Variants in LRRTM4 observed in about 807,000 individuals in gnomAD.
LRRTM4 encodes leucine-rich repeat transmembrane neuronal protein 4.
Under a neutral mutation model 47.6 loss-of-function variants are expected in LRRTM4, and 25 were observed. The observed-to-expected ratio is 0.53, with a 90% confidence interval of 0.38 to 0.73. LRRTM4 has a LOEUF of 0.73. LRRTM4 is among the 30% of genes least tolerant of loss of function. The pLI is 0.00. For missense variants in LRRTM4, 638 were observed against 713.4 expected (o/e 0.89, Z 1.20); for synonymous variants, 311 against 269.5 (o/e 1.15, Z -1.51).
intron 3 of LRRTM4, among the ~76,000 whole-genome samples, chr2:77,398,597 G>A (rs1305509357): frequency 2.0e-5 from 3 of 151,808 alleles, no homozygotes; most frequent in African/African-American, 7.2e-5. Context: ...AATGGATTGT[G>A]TGTGAAATTA....
chr2:77,508,402 G>C (rs1678857699), intron 3 of LRRTM4, among the ~76,000 whole-genome samples: 1 of 152,156 alleles, frequency 6.6e-6, no homozygotes, highest in Non-Finnish European at 1.5e-5. Flanking sequence ...CTCACAGTGA[G>C]AATCCAAGCC....
intron 3 of LRRTM4, among the ~76,000 whole-genome samples, chr2:77,500,037 A>G (rs1429065874): frequency 6.6e-6 from 1 of 151,804 alleles, no homozygotes; most frequent in African/African-American, 2.4e-5. Flanking sequence ...AGCATGTCTA[A>G]GTCTGCTTCC....
intron 3 of LRRTM4, among the ~76,000 whole-genome samples, chr2:77,248,344 A>G (rs1036550121): frequency 5.9e-5 from 9 of 152,032 alleles, no homozygotes; most frequent in Admixed American, 5.9e-4. Flanking sequence ...AATCTAACAA[A>G]GCATGTACAA....
chr2:77,012,023 CA>C (rs1489845411), intron 3 of LRRTM4, among the ~76,000 whole-genome samples: 6 of 152,076 alleles, frequency 3.9e-5, no homozygotes, highest in Non-Finnish European at 7.4e-5. Context: ...AAGCCTGCAT[CA>C]AACTTTAGAG....
intron 3 of LRRTM4, among the ~76,000 whole-genome samples, chr2:76,843,934 G>A (rs1276225071): frequency 7.0e-6 from 1 of 142,766 alleles, no homozygotes; most frequent in Non-Finnish European, 1.5e-5. Flanking sequence ...TTGAGATGGA[G>A]TCTCATGCCC....
chr2:77,028,686 T>C (rs1573471001), intron 3 of LRRTM4, among the ~76,000 whole-genome samples: 1 of 151,710 alleles, frequency 6.6e-6, no homozygotes. Flanking sequence ...ACAATAAAAA[T>C]AGGATGATGA....
intron 3 of LRRTM4, among the ~76,000 whole-genome samples, chr2:76,955,748 G>T (rs941710323): frequency 2.0e-5 from 3 of 151,680 alleles, no homozygotes; most frequent in African/African-American, 7.3e-5. Context: ...TCCACTTGGG[G>T]AGGGTACAAG....
chr2:77,490,528 A>G (rs1344939667), intron 3 of LRRTM4, among the ~76,000 whole-genome samples: 1 of 152,198 alleles, frequency 6.6e-6, no homozygotes, highest in African/African-American at 2.4e-5. Context: ...GGTGCAATCC[A>G]CAAAAGAAAA....
chr2:77,458,662 G>A (rs771297617), intron 3 of LRRTM4, among the ~76,000 whole-genome samples: 5 of 151,786 alleles, frequency 3.3e-5, no homozygotes, highest in Non-Finnish European at 7.4e-5. Context: ...CTTGTATCTA[G>A]GCAGGTTTTT....
intron 3 of LRRTM4, among the ~76,000 whole-genome samples, chr2:76,862,899 T>A (rs1408562985): frequency 6.6e-6 from 1 of 152,228 alleles, no homozygotes; most frequent in Admixed American, 6.5e-5. Context: ...AATCTCTTGG[T>A]TAAGGGTAGC....
intron 3 of LRRTM4, among the ~76,000 whole-genome samples, chr2:77,495,310 TG>T (rs1678319334): frequency 6.6e-6 from 1 of 152,058 alleles, no homozygotes; most frequent in Admixed American, 6.6e-5. Flanking sequence ...ATACTTGATC[TG>T]TCATTTTTAT....
At chr2:77,000,698 G>C (rs1677388589) in intron 3 of LRRTM4, among the ~76,000 whole-genome samples, 1 of 152,170 alleles carries the variant, frequency 6.6e-6, no homozygotes, top group African/African-American at 2.4e-5. Context: ...GAAACTTATA[G>C]AACTCAAGAG....
At chr2:77,096,856 AAC>A (rs1217582105) in intron 3 of LRRTM4, among the ~76,000 whole-genome samples, 1 of 151,826 alleles carries the variant, frequency 6.6e-6, no homozygotes. Context: ...AAATGGAAGA[AAC>A]ACTTTCAGAT....
intron 3 of LRRTM4, among the ~76,000 whole-genome samples, chr2:76,877,181 G>A (rs1442319749): frequency 1.3e-5 from 2 of 152,056 alleles, no homozygotes; most frequent in East Asian, 1.9e-4. Flanking sequence ...TCTTCAGCAA[G>A]TTCTTTCAAT....
intron 3 of LRRTM4, among the ~76,000 whole-genome samples, chr2:77,512,539 C>T (rs1679060746): frequency 6.6e-6 from 1 of 152,058 alleles, no homozygotes; most frequent in Non-Finnish European, 1.5e-5. Flanking sequence ...TTTTTCAAAA[C>T]TCTCAGTGTC....
chr2:77,006,946 T>G (rs1484465683), intron 3 of LRRTM4, among the ~76,000 whole-genome samples: 1 of 152,106 alleles, frequency 6.6e-6, no homozygotes, highest in Non-Finnish European at 1.5e-5. Context: ...AAACATCCTT[T>G]GGCATCCAGG....
intron 3 of LRRTM4, among the ~76,000 whole-genome samples, chr2:76,900,828 AAC>A (rs1673599387): frequency 6.6e-6 from 1 of 152,198 alleles, no homozygotes; most frequent in Non-Finnish European, 1.5e-5. Flanking sequence ...GCTAAGTAAA[AAC>A]AGTGCAATTC....
chr2:76,916,399 A>AG (rs1553430726), intron 3 of LRRTM4, among the ~76,000 whole-genome samples: 1 of 143,538 alleles, frequency 7.0e-6, no homozygotes, highest in African/African-American at 2.5e-5. Flanking sequence ...AAAAAAAAAA[A>AG]AAAAAAAAGA....
intron 3 of LRRTM4, among the ~76,000 whole-genome samples, chr2:77,403,930 C>T (rs917399531): frequency 6.6e-6 from 1 of 150,858 alleles, no homozygotes; most frequent in Non-Finnish European, 1.5e-5. Context: ...TTTTTATTCA[C>T]TAAATGGAAG....
Sources: allele counts gnomAD v4.1 joint callset (sites outside exome capture counted in the v4.1 genomes callset), GRCh38; gene constraint gnomAD v4.1.1; transcripts MANE v1.5; gene names NCBI Gene and HGNC (gene_info 2026-07-23, HGNC 2026-07-21).